Variants in SPHKAP observed in about 807,000 individuals in gnomAD.
SPHKAP encodes A-kinase anchor protein SPHKAP.
Under a neutral mutation model 137.5 loss-of-function variants are expected in SPHKAP, and 67 were observed. The ratio of observed to expected loss-of-function variants is 0.49; its 90% CI spans 0.40 to 0.60. The LOEUF (loss-of-function observed/expected upper bound fraction) is 0.60. Ranked by LOEUF, SPHKAP falls within the 20% of genes least tolerant of loss-of-function variation. The pLI, the probability that SPHKAP is intolerant of heterozygous loss-of-function variation, is 0.00. For synonymous variants in SPHKAP, 813 were observed against 785.3 expected, an observed-to-expected ratio of 1.04 and a Z score of -0.59; for missense variants, 2,097 against 2,069.3, an observed-to-expected ratio of 1.01 and a Z score of -0.26.
At chr2:228,069,445 C>CTTTT (rs1250162411) in intron 3 of SPHKAP, among the ~76,000 whole-genome samples, 1,757 of 81,126 alleles carry the variant, frequency 0.022, 37 homozygotes, top group African/African-American at 0.079. Context: ...TTCTTTCTTT[C>CTTTT]TTTCTTTTTT....
chr2:228,143,745 A>T lies in SPHKAP; in HGVS notation c.33-11660T>A, dbSNP rs11695428. 8.5e-4 allele frequency among the ~76,000 whole-genome samples: 123 copies of T among 144,012 alleles called. 1 individual carries two copies. The highest frequency in any genetic ancestry group is 1.6e-3 in the South Asian group (7 of 4,486). 94.5% of individuals were successfully genotyped at this position (144,012 alleles called of 152,430 possible). A position where few individuals can be genotyped will look rare whatever the true frequency, so the allele number is the denominator to read the frequency against. ...AATCTCGAACTCCTGACCTCAGATG[A>T]TCTGCCCGCCTTAGCCTCCCAAAGT... On this transcript the variant is annotated intron_variant, in intron 1 of 11. Coordinates refer to ENST00000392056, the MANE Select transcript of SPHKAP (RefSeq NM_001142644.2).
intron 11 of SPHKAP, among the ~76,000 whole-genome samples, chr2:227,986,010 A>C (rs1693195824): frequency 6.6e-6 from 1 of 152,150 alleles, no homozygotes. Flanking sequence ...CAAAACCCTG[A>C]TGCCTGGGCA....
chr2:228,092,249 A>ATGTGCGTGTATACGTACACACACACGTG (rs1697784343), intron 3 of SPHKAP, among the ~76,000 whole-genome samples: 2 of 145,138 alleles, frequency 1.4e-5, no homozygotes, highest in African/African-American at 5.2e-5. Flanking sequence ...ACACACGTGT[A>ATGTGCGTGTATACGTACACACACACGTG]TATGTGTGTA....
chr2:228,151,149 G>T (rs1004808141), intron 1 of SPHKAP, among the ~76,000 whole-genome samples: 1 of 143,286 alleles, frequency 7.0e-6, no homozygotes, highest in African/African-American at 2.6e-5. Flanking sequence ...TGTTCTCATT[G>T]TTCTATTCCC....
intron 3 of SPHKAP, among the ~76,000 whole-genome samples, chr2:228,099,214 T>G (rs1279218927): frequency 6.6e-6 from 1 of 152,216 alleles, no homozygotes; most frequent in Non-Finnish European, 1.5e-5. Context: ...GTATATATGG[T>G]AAAACGTAGG....
At chr2:228,041,646 CAAA>C (rs58570907) in intron 3 of SPHKAP, among the ~76,000 whole-genome samples, 48 of 95,898 alleles carry the variant, frequency 5.0e-4, no homozygotes, top group Middle Eastern at 0.011. Flanking sequence ...GACTCTGTCT[CAAA>C]AAAAAAAAAA....
At chr2:228,125,545 T>C (rs1378047729) in intron 2 of SPHKAP, among the ~76,000 whole-genome samples, 2 of 152,128 alleles carry the variant, frequency 1.3e-5, no homozygotes, top group Non-Finnish European at 2.9e-5. Flanking sequence ...CCACATATAG[T>C]AAGAAGAGAA....
intron 2 of SPHKAP, among the ~76,000 whole-genome samples, chr2:228,116,248 G>A (rs1236042273): frequency 6.6e-6 from 1 of 152,122 alleles, no homozygotes; most frequent in African/African-American, 2.4e-5. Context: ...TCATCTCTCT[G>A]TCTTCCTTAT....
At chr2:228,154,582 T>G (rs1440121450) in intron 1 of SPHKAP, among the ~76,000 whole-genome samples, 2 of 121,046 alleles carry the variant, frequency 1.7e-5, no homozygotes. Flanking sequence ...GGAGTCTCGC[T>G]CTGTCACCCA....
intron 7 of SPHKAP, among the ~76,000 whole-genome samples, chr2:228,012,246 A>C (rs2106200081): frequency 6.6e-6 from 1 of 151,856 alleles, no homozygotes; most frequent in East Asian, 1.9e-4. Flanking sequence ...CATTCTGGGC[A>C]ATAGATCACT....
At chr2:228,025,737 T>A (rs550820605) in intron 4 of SPHKAP, 18 of 681,168 alleles carry the variant, frequency 2.6e-5, no homozygotes, top group Non-Finnish European at 3.3e-5. Flanking sequence ...AACTCTTTAG[T>A]TCTACATTTT....
Position 228,132,047 on chromosome 2 carries a change from G to C in SPHKAP, c.71C>G (p.Pro24Arg), listed in dbSNP as rs141195352. The C allele has an allele frequency of 2.5e-6, 4 of 1,613,832 alleles. No individual in the cohort carries two copies. ...ESSRMYDVLE[P>R]QQGRGCGSSG... is the part of the protein sequence containing the mutation. ...GCTGCCACAGCCTCTGCCCTGCTGC[G>C]GTTCCAAAACGTCATACATCCGTGA... Residue 24 changes from proline (P) to arginine (R), a missense_variant, in exon 2 of 12, where the codon CCG becomes CGG. Pro to Arg is a moderately radical substitution (Grantham distance 103). Transcript: ENST00000392056.
rs113973748 is a variant in SPHKAP, at chr2:228,016,927, C to T, written c.3927G>A (p.Thr1309=). Residue 1309 remains threonine (T), a synonymous_variant, in exon 7 of 12, where the codon ACG becomes ACA. Transcript: ENST00000392056. The part of the protein sequence containing the change: ...DHITNMLIHE[T]WASSIEALMR... The stretch of plus-strand genomic sequence containing the variant: ...TGAGAGCCTCAATGGAGCTAGCCCA[C>T]GTTTCATGAATTAACATGTTGGTGA... 3.8e-4 allele frequency: 616 copies of T among 1,614,128 alleles called. 4 individuals carry two copies. The African/African-American group carries it at 7.1e-3, about 19-fold the overall frequency.
Position 228,025,439 on chromosome 2 carries a change from A to G in SPHKAP, c.396T>C (p.Ser132=). The change falls in exon 5 of 12, where the codon AGT becomes AGC. Residue 132 remains serine (S), a synonymous_variant. Coordinates refer to ENST00000392056, the MANE Select transcript of SPHKAP (RefSeq NM_001142644.2). ...QPKENEIVVL[S]GLASGNLQAD... The stretch of plus-strand genomic sequence containing the variant: ...CCTGGAGATTTCCAGAGGCTAACCC[A>G]CTTAGGACAACAATTTCATTTTCTT... The G allele has an allele frequency of 1.2e-6, 2 of 1,613,948 alleles. No homozygotes were observed. The highest frequency in any genetic ancestry group is 1.7e-6 in the Non-Finnish European group (2 of 1,179,938).
chr2:228,060,614 A>T (rs1306502904), intron 3 of SPHKAP, among the ~76,000 whole-genome samples: 1 of 152,172 alleles, frequency 6.6e-6, no homozygotes, highest in East Asian at 1.9e-4. Context: ...TGTAACTATG[A>T]CTTAGTGATA....
intron 7 of SPHKAP, among the ~76,000 whole-genome samples, chr2:228,000,149 A>G (rs1002513995): frequency 6.6e-6 from 1 of 152,204 alleles, no homozygotes; most frequent in Non-Finnish European, 1.5e-5. Context: ...TGAGACTGTC[A>G]TATAGTTGGA....
At chr2:228,154,744 A>G (rs1466410005) in intron 1 of SPHKAP, among the ~76,000 whole-genome samples, 10 of 127,946 alleles carry the variant, frequency 7.8e-5, no homozygotes, top group African/African-American at 2.6e-4. Context: ...TATTTTCATT[A>G]GAGACGGGGT....
chr2:228,127,001 T>C (rs981943292), intron 2 of SPHKAP, among the ~76,000 whole-genome samples: 4 of 152,216 alleles, frequency 2.6e-5, no homozygotes, highest in African/African-American at 4.8e-5. Flanking sequence ...CCAGTTAATT[T>C]AGCAATATGT....
At chr2:228,069,128 G>A (rs751448256) in intron 3 of SPHKAP, among the ~76,000 whole-genome samples, 1 of 152,154 alleles carries the variant, frequency 6.6e-6, no homozygotes, top group Non-Finnish European at 1.5e-5. Context: ...TTAGCTGGGT[G>A]TGGTGGCAGG....
Sources: gnomAD v4.1 joint callset for allele counts (sites outside exome capture counted in the v4.1 genomes callset) on GRCh38, gnomAD v4.1.1 for gene constraint, MANE v1.5 for transcripts, NCBI Gene and HGNC (gene_info 2026-07-23, HGNC 2026-07-21) for gene names.